Variants in NGEF observed in about 807,000 individuals in gnomAD.
NGEF encodes the protein neuronal guanine nucleotide exchange factor.
In NGEF, 31 loss-of-function variants were observed where a neutral mutation model predicts 80.9. The ratio of observed to expected loss-of-function variants is 0.38; its 90% confidence interval spans 0.29 to 0.52. The LOEUF (loss-of-function observed/expected upper bound fraction) is 0.52. Among genes scored for constraint, NGEF ranks in the 20% least tolerant of loss-of-function variants. The pLI, the probability that NGEF is intolerant of heterozygous loss-of-function variation, is 0.84. For missense variants in NGEF, 709 were observed against 926.2 expected, an observed-to-expected ratio of 0.77 and a Z score of 3.04; for synonymous variants, 371 against 370.2, an observed-to-expected ratio of 1.00 and a Z score of -0.03.
At chr2:232,884,942 T>TCAA (rs1383490790) in intron 10 of NGEF, 1 of 217,640 alleles carries the variant, frequency 4.6e-6, no homozygotes, top group Non-Finnish European at 9.0e-6. Context: ...TGAGAATCCC[T>TCAA]GGAGCAGCAC....
At chr2:232,911,630 A>C (rs1407751522) in intron 5 of NGEF, among the ~76,000 whole-genome samples, 1 of 152,178 alleles carries the variant, frequency 6.6e-6, no homozygotes, top group Non-Finnish European at 1.5e-5. Flanking sequence ...GAATCTTTCA[A>C]TCCATAAACA....
intron 5 of NGEF, among the ~76,000 whole-genome samples, chr2:232,906,201 C>A (rs1692525430): frequency 3.4e-5 from 1 of 29,188 alleles, no homozygotes; most frequent in Non-Finnish European, 7.4e-5. Context: ...CCAGCCGCCC[C>A]GTCCGGGAAG....
chr2:232,893,674 T>C (rs768697574), intron 6 of NGEF, among the ~76,000 whole-genome samples: 2 of 150,268 alleles, frequency 1.3e-5, no homozygotes, highest in South Asian at 2.1e-4. Flanking sequence ...ACTCGGGAGG[T>C]TGAGGCAGGA....
intron 2 of NGEF, 67 bp downstream of exon 2, chr2:232,974,556 C>T (rs1694251921): frequency 1.3e-6 from 2 of 1,526,778 alleles, no homozygotes; most frequent in Non-Finnish European, 1.8e-6. Flanking sequence ...TTAATGAGGA[C>T]CTTTCAGCAC....
chr2:232,887,847 T>C (rs1448183359), intron 9 of NGEF, among the ~76,000 whole-genome samples, 186 bp downstream of exon 9: 2 of 152,220 alleles, frequency 1.3e-5, no homozygotes, highest in Non-Finnish European at 2.9e-5. Flanking sequence ...GAAGGCTCTC[T>C]ACCCAAGCCA....
intron 5 of NGEF, among the ~76,000 whole-genome samples, chr2:232,901,144 G>A (rs1287887800): frequency 1.3e-5 from 2 of 152,246 alleles, no homozygotes; most frequent in East Asian, 1.9e-4. Flanking sequence ...AAAGAGCGAC[G>A]GGCTTTTACG....
intron 3 of NGEF, among the ~76,000 whole-genome samples, chr2:232,958,203 G>T (rs1693871586): frequency 6.6e-6 from 1 of 152,124 alleles, no homozygotes; most frequent in Admixed American, 6.5e-5. Flanking sequence ...AGGGTACTTG[G>T]TCTCCTATAT....
intron 1 of NGEF, among the ~76,000 whole-genome samples, chr2:232,977,363 T>C (rs954121738): frequency 4.6e-5 from 7 of 152,056 alleles, no homozygotes; most frequent in African/African-American, 9.7e-5. Flanking sequence ...TTGAGCTCAG[T>C]GTAAGGCGGA....
At chr2:232,980,097 G>A (rs1694380206) in intron 1 of NGEF, among the ~76,000 whole-genome samples, 1 of 152,202 alleles carries the variant, frequency 6.6e-6, no homozygotes, top group African/African-American at 2.4e-5. Flanking sequence ...TGTTGTAACT[G>A]TGGGCTGAAG....
At chr2:232,967,110 C>T (rs6720335) in intron 3 of NGEF, among the ~76,000 whole-genome samples, 34,447 of 151,966 alleles carry the variant, frequency 0.23, 4,774 homozygotes, top group Non-Finnish European at 0.31. Flanking sequence ...CCTCATGTCT[C>T]TGTGCTGTCT....
At chr2:232,920,232 A>G in intron 5 of NGEF, 52 bp downstream of exon 5, 1 of 1,549,416 alleles carries the variant, frequency 6.5e-7, no homozygotes, top group Non-Finnish European at 8.8e-7. Flanking sequence ...CCCAGCAGTG[A>G]GGGCCACCCC....
chr2:232,921,971 ATGAGGGTCCGGC>A (rs55752811), intron 4 of NGEF, among the ~76,000 whole-genome samples: 26,108 of 152,028 alleles, frequency 0.17, 2,675 homozygotes, highest in Non-Finnish European at 0.22. Context: ...ACTGGAGGAG[ATGAGGGTCCGGC>A]TGAGGGTGGC....
At position 232,955,024 on chromosome 2, in the gene NGEF, C is replaced by T. The variant is rs1014443557; in HGVS notation, c.383+15190G>A. ...TCTTCGTAATACGCCTATTCATATT[C>T]TAACTCTCCCCAACTTAAGATGAGG... On this transcript the variant is annotated intron_variant, in intron 3 of 14. Transcript: ENST00000264051. Among the ~76,000 whole-genome samples, 3 of 152,214 alleles carry T rather than the reference C, an allele frequency of 2.0e-5. 1 individual carries two copies.
intron 1 of NGEF, among the ~76,000 whole-genome samples, chr2:232,985,369 C>T (rs1301494351): frequency 1.3e-5 from 2 of 152,156 alleles, no homozygotes; most frequent in Non-Finnish European, 2.9e-5. Flanking sequence ...GTAATCTCAG[C>T]CCTTTGGGAG....
At chr2:232,918,039 T>G (rs1692848359) in intron 5 of NGEF, among the ~76,000 whole-genome samples, 1 of 152,038 alleles carries the variant, frequency 6.6e-6, no homozygotes, top group Non-Finnish European at 1.5e-5. Context: ...CTGCAACCTC[T>G]GCCTCCTGGG....
intron 12 of NGEF, among the ~76,000 whole-genome samples, chr2:232,883,079 A>G (rs1364573083): frequency 2.8e-5 from 4 of 144,620 alleles, no homozygotes; most frequent in Non-Finnish European, 6.1e-5. Context: ...ACACACACAC[A>G]CACGCACACA....
intron 5 of NGEF, among the ~76,000 whole-genome samples, chr2:232,896,453 C>T (rs1405812371): frequency 1.3e-5 from 2 of 149,464 alleles, no homozygotes; most frequent in African/African-American, 4.9e-5. Context: ...CTCTGCCACC[C>T]AGTTTCTGGT....
intron 3 of NGEF, among the ~76,000 whole-genome samples, chr2:232,962,097 G>A (rs1458799305): frequency 6.6e-6 from 1 of 152,222 alleles, no homozygotes; most frequent in Non-Finnish European, 1.5e-5. Flanking sequence ...AATTCGGGTA[G>A]GCTTCTGATC....
intron 1 of NGEF, among the ~76,000 whole-genome samples, chr2:233,001,621 T>A (rs917571059): frequency 2.6e-5 from 4 of 152,136 alleles, no homozygotes; most frequent in Non-Finnish European, 4.4e-5. Flanking sequence ...AGGCCAGGAT[T>A]TCTATGCTGG....
Sources: allele counts gnomAD v4.1 joint callset (sites outside exome capture counted in the v4.1 genomes callset), GRCh38; gene constraint gnomAD v4.1.1; transcripts MANE v1.5; gene names NCBI Gene and HGNC (gene_info 2026-07-23, HGNC 2026-07-21).